FRMD4B: variants seen among roughly 807,000 people sequenced by gnomAD.
The protein encoded by FRMD4B is FERM domain-containing protein 4B.
FRMD4B carries 74 observed loss-of-function variants against 141.5 expected under a neutral mutation model. The observed-to-expected ratio is 0.52, with a 90% CI of 0.43 to 0.63. The LOEUF is 0.63. Ranked by LOEUF, FRMD4B falls within the 30% of genes least tolerant of loss-of-function variation. FRMD4B has a pLI of 0.00. For synonymous variants in FRMD4B, 506 were observed against 467.9 expected, an observed-to-expected ratio of 1.08 and a Z score of -1.05; for missense variants, 1,366 against 1,253.4, an observed-to-expected ratio of 1.09 and a Z score of -1.36.
At chr3:69,229,301 C>T (rs946876904) in intron 7 of FRMD4B, among the ~76,000 whole-genome samples, 3 of 152,100 alleles carry the variant, frequency 2.0e-5, no homozygotes, top group Non-Finnish European at 2.9e-5. Context: ...GCTAGGATTA[C>T]AGACATGAGC....
chr3:69,429,914 C>A (rs934367835), intron 2 of FRMD4B, among the ~76,000 whole-genome samples: 1 of 151,938 alleles, frequency 6.6e-6, no homozygotes, highest in African/African-American at 2.4e-5. Flanking sequence ...CATGCACCAC[C>A]ACGTCTGGCT....
intron 1 of FRMD4B, among the ~76,000 whole-genome samples, chr3:69,530,186 T>C (rs1405948721): frequency 6.6e-6 from 1 of 152,250 alleles, no homozygotes; most frequent in Admixed American, 6.5e-5. Context: ...GCCTATTTTA[T>C]TGAGTGCTGT....
chr3:69,238,527 T>C (rs1164381354), intron 7 of FRMD4B, among the ~76,000 whole-genome samples: 1 of 152,202 alleles, frequency 6.6e-6, no homozygotes, highest in East Asian at 1.9e-4. Context: ...CTCACGCCTG[T>C]AATCCAGGCA....
At chr3:69,356,406 G>C (rs1242965680) in intron 1 of FRMD4B, among the ~76,000 whole-genome samples, 1 of 152,002 alleles carries the variant, frequency 6.6e-6, no homozygotes, top group African/African-American at 2.4e-5. Flanking sequence ...TAGCCTCCCA[G>C]CCTACATCTT....
intron 1 of FRMD4B, among the ~76,000 whole-genome samples, chr3:69,336,751 C>T (rs1377201517): frequency 6.6e-6 from 1 of 152,038 alleles, no homozygotes; most frequent in African/African-American, 2.4e-5. Flanking sequence ...AGTTCGAGAC[C>T]AGCCTGGGGA....
intron 1 of FRMD4B, among the ~76,000 whole-genome samples, chr3:69,375,173 ACCCACTTACCTGTCCACCCAT>A (rs1559836661): frequency 1.4e-5 from 2 of 146,856 alleles, no homozygotes; most frequent in Non-Finnish European, 3.0e-5. Context: ...CCACCCACCC[ACCCACTTACCTGTCCACCCAT>A]CCATCCATTC....
At chr3:69,206,513 C>G (rs1048380045) in intron 11 of FRMD4B, among the ~76,000 whole-genome samples, 1 of 152,198 alleles carries the variant, frequency 6.6e-6, no homozygotes, top group East Asian at 1.9e-4. Context: ...CAAGTTTCCT[C>G]TGTGGCCGAA....
chr3:69,218,180 C>A, intron 10 of FRMD4B, 142 bp downstream of exon 10: 1 of 585,918 alleles, frequency 1.7e-6, no homozygotes, highest in South Asian at 2.1e-5. Context: ...TTTAACGTAG[C>A]AAGTATTTTG....
chr3:69,306,681 T>A (rs1701403651), intron 3 of FRMD4B: 2 of 152,290 alleles, frequency 1.3e-5, no homozygotes. Context: ...TCACTGCTTT[T>A]ATTGCGTAAT....
At chr3:69,308,736 G>C (rs992473620) in intron 3 of FRMD4B, among the ~76,000 whole-genome samples, 4 of 151,910 alleles carry the variant, frequency 2.6e-5, no homozygotes, top group Non-Finnish European at 5.9e-5. Context: ...CACTGTGCCC[G>C]GCCTTGTTTT....
chr3:69,395,360 A>G (rs916188071), intron 2 of FRMD4B, among the ~76,000 whole-genome samples: 5 of 152,204 alleles, frequency 3.3e-5, no homozygotes, highest in Non-Finnish European at 5.9e-5. Context: ...CCAAAGATCA[A>G]CCATACTACC....
At chr3:69,451,482 G>A (rs1019109983) in intron 1 of FRMD4B, among the ~76,000 whole-genome samples, 1 of 152,148 alleles carries the variant, frequency 6.6e-6, no homozygotes, top group Non-Finnish European at 1.5e-5. Flanking sequence ...TGGTACACAG[G>A]CCATGGTGCT....
chr3:69,492,729 G>C (rs969295513), intron 1 of FRMD4B, among the ~76,000 whole-genome samples: 4 of 152,180 alleles, frequency 2.6e-5, no homozygotes, highest in African/African-American at 9.7e-5. Flanking sequence ...GCTCCATTTA[G>C]GCGGTCATGA....
In FRMD4B at chr3:69,182,645, G is replaced by A; in HGVS notation, c.1992C>T (p.Pro664=). 6.2e-7 allele frequency: 1 copy of A among 1,613,788 alleles called. No individual in the cohort carries two copies. Among genetic ancestry groups the A allele is most frequent in the South Asian group, 1.1e-5 (1 of 91,068 alleles). The part of the protein sequence containing the change: ...ERRPQGGRSM[P]TTPVLTRNAY... The stretch of plus-strand genomic sequence containing the variant: ...CGTTTCGGGTAAGAACTGGCGTGGT[G>A]GGCATGCTTCGTCCTCCCTGGGGCC... Residue 664 remains proline (P), a synonymous_variant, in exon 20 of 23, where the codon CCC becomes CCT. Coordinates refer to ENST00000398540, the MANE Select transcript of FRMD4B (RefSeq NM_015123.3).
intron 2 of FRMD4B, among the ~76,000 whole-genome samples, chr3:69,421,809 G>C (rs1034333254): frequency 6.6e-6 from 1 of 152,066 alleles, no homozygotes; most frequent in Admixed American, 6.6e-5. Context: ...GGATAGCCCT[G>C]GCCTAAGTGA....
In FRMD4B at chr3:69,189,885, G is replaced by A; in HGVS notation, c.1771+11C>T. 1.3e-6 allele frequency: 2 copies of A among 1,540,092 alleles called. No individual in the cohort carries two copies. Among genetic ancestry groups the A allele is most frequent in the Non-Finnish European group, 9.0e-7 (1 of 1,114,086 alleles). ...TAACATTTTTAAACCAAAAAAGGAA[G>A]AGCCACTTACGATCATCATAGGTGG... On this transcript the variant is annotated intron_variant, in intron 18 of 22. Transcript: ENST00000398540.
At chr3:69,207,669 G>T (rs559317291) in intron 11 of FRMD4B, among the ~76,000 whole-genome samples, 11 of 152,144 alleles carry the variant, frequency 7.2e-5, no homozygotes, top group African/African-American at 2.2e-4. Flanking sequence ...TTAGCTGGGC[G>T]TGGTGGGACA....
intron 1 of FRMD4B, among the ~76,000 whole-genome samples, chr3:69,332,742 A>ATTTTTTTTT (rs58437578): frequency 8.9e-5 from 6 of 67,510 alleles, no homozygotes; most frequent in African/African-American, 3.8e-4. Flanking sequence ...ACACCTGGCT[A>ATTTTTTTTT]TTTTTTTTTT....
chr3:69,482,266 A>T (rs578151175), intron 1 of FRMD4B, among the ~76,000 whole-genome samples: 16 of 145,010 alleles, frequency 1.1e-4, no homozygotes, highest in Admixed American at 2.0e-4. Context: ...GTATTTAAAA[A>T]ATAACCCTAA....
Sources: gnomAD v4.1 joint callset for allele counts (sites outside exome capture counted in the v4.1 genomes callset) on GRCh38, gnomAD v4.1.1 for gene constraint, MANE v1.5 for transcripts, NCBI Gene and HGNC (gene_info 2026-07-23, HGNC 2026-07-21) for gene names.